SIRT5: variants seen among roughly 807,000 people sequenced by gnomAD.
SIRT5 encodes the protein NAD-dependent protein deacylase sirtuin-5, mitochondrial.
SIRT5 carries 26 observed loss-of-function variants against 40.0 expected under a neutral mutation model. That is an observed-to-expected ratio of 0.65 (90% CI 0.48 to 0.90). The LOEUF is 0.90. Ranked by LOEUF, SIRT5 falls within the 40% of genes least tolerant of loss-of-function variation. SIRT5 has a pLI of 0.00. For missense variants in SIRT5, 401 were observed against 402.4 expected, an observed-to-expected ratio of 1.00 and a Z score of 0.03; for synonymous variants, 146 against 149.1, an observed-to-expected ratio of 0.98 and a Z score of 0.15.
At chr6:13,604,012 G>T (rs1274067644) in intron 9 of SIRT5, among the ~76,000 whole-genome samples, 1 of 152,188 alleles carries the variant, frequency 6.6e-6, no homozygotes, top group African/African-American at 2.4e-5. Context: ...TAGAGAGAAG[G>T]TAGATGAGTG....
chr6:13,577,897 A>G (rs1217482667), intron 1 of SIRT5, among the ~76,000 whole-genome samples: 2 of 151,980 alleles, frequency 1.3e-5, no homozygotes, highest in African/African-American at 4.8e-5. Context: ...CTTGTTCCTG[A>G]TCTTAGAGGA....
chr6:13,600,831 T>A lies in SIRT5; in HGVS notation c.742-3T>A, dbSNP rs1337525221. 6.2e-7 allele frequency: 1 copy of A among 1,609,250 alleles called. No individual in the cohort carries two copies. The highest frequency in any genetic ancestry group is 8.5e-7 in the Non-Finnish European group (1 of 1,177,018). ...TGTTCATCTCCGTGTACTTGCCTTG[T>A]AGGTGGGCACTTCCTCTGTGGTGTA... On this transcript the variant is annotated splice_region_variant and splice_polypyrimidine_tract_variant and intron_variant, in intron 8 of 9. Transcript: ENST00000606117.
chr6:13,593,502 G>A (rs899787497), intron 5 of SIRT5, among the ~76,000 whole-genome samples: 13 of 152,234 alleles, frequency 8.5e-5, no homozygotes, highest in African/African-American at 3.1e-4. Flanking sequence ...GCATAAAACC[G>A]AGATGACAAT....
chr6:13,581,337 G>A (rs921491644), intron 2 of SIRT5, among the ~76,000 whole-genome samples: 1 of 152,208 alleles, frequency 6.6e-6, no homozygotes, highest in African/African-American at 2.4e-5. Context: ...GTATTGGCCA[G>A]TTTTGCTGTA....
Position 13,615,075 on chromosome 6 carries a change from G to A in SIRT5, c.*3210G>A, listed in dbSNP as rs1764215545. The A allele has an allele frequency of 2.5e-6, 1 of 407,742 alleles. No homozygotes were observed. The highest frequency in any genetic ancestry group is 4.4e-6 in the Non-Finnish European group (1 of 228,338). 25.3% of individuals were successfully genotyped at this position (407,742 alleles called of 1,614,324 possible). A position where few individuals can be genotyped will look rare whatever the true frequency, so the allele number is the denominator to read the frequency against. On this transcript the variant is annotated 3_prime_UTR_variant, in exon 10 of 10. Coordinates refer to ENST00000606117, the MANE Select transcript of SIRT5 (RefSeq NM_012241.5). ...CCTGTCTCGCCATCCCAGCCGAGGA[G>A]GGCAGCGCGATGGCTCTTCCCTGCC...
rs147661967 is a variant in SIRT5, at chr6:13,603,955, T to C, written c.857+3006T>C. 2.0e-5 allele frequency among the ~76,000 whole-genome samples: 3 copies of C among 152,320 alleles called. No homozygotes were observed. In the East Asian group the frequency reaches 5.8e-4, roughly 29 times the overall value. On this transcript the variant is annotated intron_variant, in intron 9 of 9. Coordinates refer to ENST00000606117, the MANE Select transcript of SIRT5 (RefSeq NM_012241.5). ...AAGAAGCCAGTCATAAAAGACCATATATGGTATGACTTCATTTATACGAAA... is the reference window on the plus strand; with the variant it reads ...AAGAAGCCAGTCATAAAAGACCATACATGGTATGACTTCATTTATACGAAA...
chr6:13,605,370 C>G, intron 9 of SIRT5: 1 of 981,976 alleles, frequency 1.0e-6, no homozygotes, highest in Non-Finnish European at 1.2e-6. Context: ...TGGCCCTTTA[C>G]AGAAAAAGTT....
At chr6:13,575,744 C>T (rs1292571681) in intron 1 of SIRT5, among the ~76,000 whole-genome samples, 1 of 152,128 alleles carries the variant, frequency 6.6e-6, no homozygotes, top group Non-Finnish European at 1.5e-5. Context: ...CAGTAGATCA[C>T]TAAAACTTAC....
At chr6:13,585,837 G>A (rs1413510896) in intron 3 of SIRT5, among the ~76,000 whole-genome samples, 1 of 152,150 alleles carries the variant, frequency 6.6e-6, no homozygotes, top group Non-Finnish European at 1.5e-5. Flanking sequence ...CACAATGGTT[G>A]AACTAATTTA....
chr6:13,576,441 A>T (rs1480731605), intron 1 of SIRT5, among the ~76,000 whole-genome samples: 1 of 152,168 alleles, frequency 6.6e-6, no homozygotes, highest in African/African-American at 2.4e-5. Flanking sequence ...TTGACCATTC[A>T]TATGTCTTCT....
chr6:13,581,035 A>G (rs1400010811), intron 2 of SIRT5, among the ~76,000 whole-genome samples: 2 of 152,210 alleles, frequency 1.3e-5, no homozygotes, highest in African/African-American at 4.8e-5. Context: ...AAAATAGTAC[A>G]CAGAGTTCTC....
chr6:13,601,663 A>G (rs533793783), intron 9 of SIRT5, among the ~76,000 whole-genome samples: 1 of 152,098 alleles, frequency 6.6e-6, no homozygotes, highest in Non-Finnish European at 1.5e-5. Flanking sequence ...TTTAATCAAC[A>G]GTTTCCAACC....
At chr6:13,585,431 C>A (rs1354146327) in intron 3 of SIRT5, among the ~76,000 whole-genome samples, 1 of 148,086 alleles carries the variant, frequency 6.8e-6, no homozygotes, top group East Asian at 2.1e-4. Context: ...TGTGATGTTA[C>A]CCGCCCTGTA....
chr6:13,611,102 G>C (rs1297322136), intron 9 of SIRT5, among the ~76,000 whole-genome samples: 1 of 150,544 alleles, frequency 6.6e-6, no homozygotes, highest in South Asian at 2.1e-4. Flanking sequence ...TGAGAGGCTC[G>C]TTGACTTAGC....
At chr6:13,596,558 C>G (rs1011788332) in intron 6 of SIRT5, among the ~76,000 whole-genome samples, 3 of 152,068 alleles carry the variant, frequency 2.0e-5, no homozygotes, top group Admixed American at 6.6e-5. Context: ...ACAATCACAC[C>G]TTACTGCAGC....
Position 13,611,982 on chromosome 6 carries a change from C to T in SIRT5, c.*117C>T, listed in dbSNP as rs200453011. On this transcript the variant is annotated 3_prime_UTR_variant, in exon 10 of 10. Coordinates refer to ENST00000606117, the MANE Select transcript of SIRT5 (RefSeq NM_012241.5). ...AACAATCTAAAAATAGCCTCTGATT[C>T]CCTCGCTGGAATCCAACCTGTTGAT... 3 of 925,126 alleles carry T rather than the reference C, an allele frequency of 3.2e-6. No homozygotes were observed. Among genetic ancestry groups the T allele is most frequent in the Non-Finnish European group, 5.0e-6 (3 of 604,274 alleles). The allele number at this position is 925,126 out of a possible 1,614,324, so 57.3% of individuals were successfully genotyped here.
intron 2 of SIRT5, among the ~76,000 whole-genome samples, chr6:13,580,933 T>C (rs1393326031): frequency 1.3e-5 from 2 of 152,246 alleles, no homozygotes; most frequent in African/African-American, 4.8e-5. Context: ...AGTCCTGGGA[T>C]TACAGGTGTG....
intron 3 of SIRT5, among the ~76,000 whole-genome samples, chr6:13,584,585 G>A (rs1362590130): frequency 6.6e-6 from 1 of 152,114 alleles, no homozygotes; most frequent in Non-Finnish European, 1.5e-5. Flanking sequence ...TCTTGATCTC[G>A]TAATTTGCCT....
Position 13,613,861 on chromosome 6 carries a change from G to C in SIRT5, c.*1996G>C, listed in dbSNP as rs1056449918. ...AACTTTATTCATTTTCCTAGTGTTA[G>C]TGTCTCAGGGAGTCTGATTATATTT... is the stretch of plus-strand genomic sequence containing the variant. On this transcript the variant is annotated 3_prime_UTR_variant, in exon 10 of 10. Coordinates refer to ENST00000606117, the MANE Select transcript of SIRT5 (RefSeq NM_012241.5). The C allele has an allele frequency of 6.6e-6, 1 of 152,160 alleles. No individual in the cohort carries two copies. Among genetic ancestry groups the C allele is most frequent in the Non-Finnish European group, 1.5e-5 (1 of 68,026 alleles). 9.4% of individuals were successfully genotyped at this position (152,160 alleles called of 1,614,324 possible).
Sources: allele counts gnomAD v4.1 joint callset (sites outside exome capture counted in the v4.1 genomes callset), GRCh38; gene constraint gnomAD v4.1.1; transcripts MANE v1.5; gene names NCBI Gene and HGNC (gene_info 2026-07-23, HGNC 2026-07-21).